Variants in STON2 observed in about 807,000 individuals in gnomAD.
STON2 encodes stonin 2, also known as stonin-2.
Under a neutral mutation model 65.7 loss-of-function variants are expected in STON2, and 29 were observed. That is an observed-to-expected ratio of 0.44 (90% CI 0.33 to 0.60). STON2 has a LOEUF of 0.60. Among genes scored for constraint, STON2 ranks in the 20% least tolerant of loss-of-function variants. The pLI is 0.03. For missense variants in STON2, 1,054 were observed against 1,118.1 expected (o/e 0.94, Z 0.82); for synonymous variants, 404 against 414.2 (o/e 0.98, Z 0.30).
intron 2 of STON2, among the ~76,000 whole-genome samples, chr14:81,423,790 C>A (rs1244118985): frequency 6.6e-6 from 1 of 152,134 alleles, no homozygotes; most frequent in South Asian, 2.1e-4. Flanking sequence ...AAACAAGAAA[C>A]CGACGCATCC....
chr14:81,340,883 A>G (rs150114486), intron 4 of STON2, among the ~76,000 whole-genome samples: 4 of 151,486 alleles, frequency 2.6e-5, no homozygotes, highest in Admixed American at 6.6e-5. Flanking sequence ...ATAGATTATT[A>G]CATAACATCT....
chr14:81,409,569 T>C (rs1218337629), intron 2 of STON2, among the ~76,000 whole-genome samples: 1 of 152,108 alleles, frequency 6.6e-6, no homozygotes, highest in African/African-American at 2.4e-5. Context: ...CATGGGTTAT[T>C]TCAATTCACT....
intron 4 of STON2, among the ~76,000 whole-genome samples, chr14:81,329,603 G>T (rs1458923913): frequency 6.6e-6 from 1 of 152,142 alleles, no homozygotes; most frequent in African/African-American, 2.4e-5. Flanking sequence ...TGTTGACTTT[G>T]GATTTCTAGC....
rs1555397665 is a variant in STON2 at position 81,306,220 on chromosome 14, C to CTATTTTTTTTTTTTTT, written c.742+17796_742+17797insAAAAAAAAAAAAAATA. On this transcript the variant is annotated intron_variant, in intron 5 of 7. Transcript: ENST00000614646. ...TTATATATACACACACATACATACTCTTTTTTTTTTTTTTTTTTTTTTTTT... is the reference window on the plus strand; with the variant it reads ...TTATATATACACACACATACATACTCTATTTTTTTTTTTTTTTTTTTTTTTTTTTTTTTTTTTTTTT... Among the ~76,000 whole-genome samples, 2 of 69,490 alleles carry CTATTTTTTTTTTTTTT rather than the reference C, an allele frequency of 2.9e-5. 1 individual carries two copies. 45.6% of individuals were successfully genotyped at this position (69,490 alleles called of 152,430 possible).
intron 3 of STON2, among the ~76,000 whole-genome samples, chr14:81,378,303 C>T (rs1899348985): frequency 6.6e-6 from 1 of 152,182 alleles, no homozygotes; most frequent in South Asian, 2.1e-4. Context: ...GTAACTTCCA[C>T]CTCCCAGGTT....
chr14:81,382,276 G>C (rs116578561), intron 3 of STON2, among the ~76,000 whole-genome samples: 2,030 of 152,048 alleles, frequency 0.013, 53 homozygotes, highest in African/African-American at 0.046. Context: ...AAACAGAATG[G>C]ATAAATGGAT....
chr14:81,267,778 C>T lies in STON2; in HGVS notation c.*636G>A. The stretch of plus-strand genomic sequence containing the variant: ...CATTGTCTATTGTGACTCAGGATAG[C>T]AAATCCTGTGACTGAAACCTTAGAG... On this transcript the variant is annotated 3_prime_UTR_variant, in exon 8 of 8. Transcript: ENST00000614646. The T allele has an allele frequency of 1.0e-6, 1 of 985,340 alleles. No individual in the cohort carries two copies. Among genetic ancestry groups the T allele is most frequent in the Non-Finnish European group, 1.2e-6 (1 of 829,866 alleles). 61.0% of individuals were successfully genotyped at this position (985,340 alleles called of 1,614,324 possible). A position where few individuals can be genotyped will look rare whatever the true frequency, so the allele number is the denominator to read the frequency against.
chr14:81,264,591 T>C lies in STON2; in HGVS notation c.*3823A>G. On this transcript the variant is annotated 3_prime_UTR_variant, in exon 8 of 8. Coordinates refer to ENST00000614646, the MANE Select transcript of STON2 (RefSeq NM_001394390.1). ...GGATCCCATTTATCAGAAACATAAGTTTCTAGGGAAATAAACTCTTACTCC... is the reference window on the plus strand; with the variant it reads ...GGATCCCATTTATCAGAAACATAAGCTTCTAGGGAAATAAACTCTTACTCC... 1.0e-6 allele frequency: 1 copy of C among 985,014 alleles called. No homozygotes were observed. The highest frequency in any genetic ancestry group is 1.2e-6 in the Non-Finnish European group (1 of 829,576). The allele number at this position is 985,014 out of a possible 1,614,324, so 61.0% of individuals were successfully genotyped here. A position where few individuals can be genotyped will look rare whatever the true frequency, so the allele number is the denominator to read the frequency against.
intron 3 of STON2, among the ~76,000 whole-genome samples, chr14:81,386,137 T>G (rs142737782): frequency 2.0e-5 from 3 of 152,246 alleles, no homozygotes; most frequent in African/African-American, 7.2e-5. Flanking sequence ...CTGCTGAAAT[T>G]TATTCCTGGG....
In STON2 at chr14:81,386,563, G is replaced by T. The variant is rs1419034795; in HGVS notation, c.373+9331C>A. Among the ~76,000 whole-genome samples, 12 of 152,326 alleles carry T rather than the reference G, an allele frequency of 7.9e-5. No homozygotes were observed. In the South Asian group the frequency reaches 2.3e-3, roughly 29 times the overall value. On this transcript the variant is annotated intron_variant, in intron 3 of 7. Coordinates refer to ENST00000614646, the MANE Select transcript of STON2 (RefSeq NM_001394390.1). ...CTTAGCCCAAGCTTTTAGGGAAGAC[G>T]TTTGAAGCATAAGGGAATACTAGTG...
At chr14:81,301,834 A>AT (rs1360027055) in intron 5 of STON2, among the ~76,000 whole-genome samples, 15 of 58,152 alleles carry the variant, frequency 2.6e-4, no homozygotes, top group Admixed American at 9.9e-4. Flanking sequence ...GTTATTAGTC[A>AT]TATTGCCCAA....
chr14:81,355,454 G>A (rs79414121), intron 4 of STON2, among the ~76,000 whole-genome samples: 1 of 152,026 alleles, frequency 6.6e-6, no homozygotes, highest in Admixed American at 6.5e-5. Flanking sequence ...TTTCTCAGCA[G>A]AAACTGTAGG....
chr14:81,390,600 CAAACAAAA>C (rs1407934377), intron 3 of STON2, among the ~76,000 whole-genome samples: 1 of 152,004 alleles, frequency 6.6e-6, no homozygotes, highest in Non-Finnish European at 1.5e-5. Flanking sequence ...AACAAACAAA[CAAACAAAA>C]AGTCCTGCAT....
intron 5 of STON2, among the ~76,000 whole-genome samples, chr14:81,296,527 G>C (rs111751397): frequency 0.039 from 5,946 of 152,076 alleles, 185 homozygotes; most frequent in Non-Finnish European, 0.057. Context: ...GGATAGGCTC[G>C]AACCCCCTTT....
chr14:81,309,416 G>A (rs1896336952), intron 5 of STON2, among the ~76,000 whole-genome samples: 1 of 152,040 alleles, frequency 6.6e-6, no homozygotes, highest in African/African-American at 2.4e-5. Flanking sequence ...TATATTTATT[G>A]TCTCCAAATA....
At chr14:81,306,662 GACTGCAGGATGACTT>G (rs1029943063) in intron 5 of STON2, 4 of 151,998 alleles carry the variant, frequency 2.6e-5, no homozygotes, top group African/African-American at 9.7e-5. Context: ...ATCCTTTCAC[GACTGCAGGATGACTT>G]CCTGACATCC....
intron 6 of STON2, among the ~76,000 whole-genome samples, chr14:81,271,865 C>A (rs1279568798): frequency 6.6e-6 from 1 of 152,190 alleles, no homozygotes; most frequent in Non-Finnish European, 1.5e-5. Context: ...TCAGTATGAT[C>A]TTTCAGGTCA....
At position 81,264,880 on chromosome 14, in the gene STON2, C is replaced by G; in HGVS notation, c.*3534G>C. 1 of 985,306 alleles carries G rather than the reference C, an allele frequency of 1.0e-6. No individual in the cohort carries two copies. Among genetic ancestry groups the G allele is most frequent in the Non-Finnish European group, 1.2e-6 (1 of 829,890 alleles). The allele number at this position is 985,306 out of a possible 1,614,324, so 61.0% of individuals were successfully genotyped here. A position where few individuals can be genotyped will look rare whatever the true frequency, so the allele number is the denominator to read the frequency against. On this transcript the variant is annotated 3_prime_UTR_variant, in exon 8 of 8. Transcript: ENST00000614646. ...CTCCCCACAAAGTGCCTCACATTGT[C>G]TTGTCTGACATGTCATGAGTACATT...
At chr14:81,374,487 T>G (rs931752115) in intron 3 of STON2, among the ~76,000 whole-genome samples, 1 of 151,972 alleles carries the variant, frequency 6.6e-6, no homozygotes, top group African/African-American at 2.4e-5. Flanking sequence ...TGTGGGTGGG[T>G]GGGGTGAACA....
Sources: gnomAD v4.1 joint callset for allele counts (sites outside exome capture counted in the v4.1 genomes callset) on GRCh38, gnomAD v4.1.1 for gene constraint, MANE v1.5 for transcripts, NCBI Gene and HGNC (gene_info 2026-07-23, HGNC 2026-07-21) for gene names.